COL15A1: variants seen among roughly 807,000 people sequenced by gnomAD.
COL15A1 encodes collagen type XV alpha 1 chain.
COL15A1 carries 111 observed loss-of-function variants against 165.9 expected under a neutral mutation model. The ratio of observed to expected loss-of-function variants is 0.67; its 90% confidence interval spans 0.57 to 0.78. The LOEUF is 0.78. COL15A1 is among the 30% of genes least tolerant of loss of function. The pLI is 0.00. For missense variants in COL15A1, 1,745 were observed against 1,789.7 expected (o/e 0.98, Z 0.45); for synonymous variants, 659 against 674.8 (o/e 0.98, Z 0.36).
chr9:98,948,317 G>A (rs573194255), intron 2 of COL15A1, among the ~76,000 whole-genome samples: 13 of 152,192 alleles, frequency 8.5e-5, no homozygotes, highest in African/African-American at 2.6e-4. Flanking sequence ...CACACTTGTC[G>A]GCCGGGCGCG....
chr9:99,056,176 T>C lies in COL15A1; in HGVS notation c.3193-84T>C, dbSNP rs1051557877. ...AATAGCTGGTGTTTATTGATTTCTT[T>C]TAAATATTCTCATAAAAGGACTAGA... is the stretch of plus-strand genomic sequence containing the variant. On this transcript the variant is annotated intron_variant, in intron 34 of 41. Coordinates refer to ENST00000375001, the MANE Select transcript of COL15A1 (RefSeq NM_001855.5). 15 of 1,368,322 alleles carry C rather than the reference T, an allele frequency of 1.1e-5. No individual in the cohort carries two copies. In the Admixed American group the frequency reaches 2.5e-4, roughly 23 times the overall value. The allele number at this position is 1,368,322 out of a possible 1,614,324, so 84.8% of individuals were successfully genotyped here.
chr9:99,058,425 GGTGCCGAGT>G (rs1418609911), intron 35 of COL15A1, among the ~76,000 whole-genome samples: 1 of 152,146 alleles, frequency 6.6e-6, no homozygotes, highest in Non-Finnish European at 1.5e-5. Flanking sequence ...AAAGGAAGAA[GGTGCCGAGT>G]GTATGGAACC....
chr9:99,055,390 C>A lies in COL15A1; in HGVS notation c.3192+18C>A. On this transcript the variant is annotated intron_variant, in intron 34 of 41. Coordinates refer to ENST00000375001, the MANE Select transcript of COL15A1 (RefSeq NM_001855.5). ...GCCCGGCTGTGAGTAGAGACCCCTC[C>A]AAGTCATCTACCCCAAAGACTTACA... 6.2e-6 allele frequency: 9 copies of A among 1,459,182 alleles called. No homozygotes were observed. Among genetic ancestry groups the A allele is most frequent in the Non-Finnish European group, 8.7e-6 (9 of 1,038,968 alleles). 90.4% of individuals were successfully genotyped at this position (1,459,182 alleles called of 1,614,324 possible). A position where few individuals can be genotyped will look rare whatever the true frequency, so the allele number is the denominator to read the frequency against.
chr9:99,038,871 T>C, intron 22 of COL15A1, 138 bp downstream of exon 22: 1 of 596,384 alleles, frequency 1.7e-6, no homozygotes, highest in Non-Finnish European at 3.0e-6. Flanking sequence ...AAGAAAGCTT[T>C]GCATTTTTTG....
intron 11 of COL15A1, 68 bp from the exon 12 acceptor site, chr9:99,020,321 T>A: frequency 8.7e-7 from 1 of 1,146,492 alleles, no homozygotes; most frequent in Non-Finnish European, 1.3e-6. Flanking sequence ...GGGAATGTCA[T>A]CGGAACTCAG....
At chr9:98,995,207 C>G (rs895088734) in intron 5 of COL15A1, among the ~76,000 whole-genome samples, 9 of 152,128 alleles carry the variant, frequency 5.9e-5, no homozygotes, top group Non-Finnish European at 1.2e-4. Context: ...TTTATCTTCC[C>G]TGCTAGATGA....
At chr9:99,058,904 T>A (rs1039485490) in intron 35 of COL15A1, among the ~76,000 whole-genome samples, 1 of 152,212 alleles carries the variant, frequency 6.6e-6, no homozygotes, top group Non-Finnish European at 1.5e-5. Context: ...AAGGACTGTA[T>A]AATTTTACTG....
chr9:98,985,551 C>G lies in COL15A1; in HGVS notation c.101-14C>G. On this transcript the variant is annotated splice_polypyrimidine_tract_variant and intron_variant, in intron 2 of 41. Coordinates refer to ENST00000375001, the MANE Select transcript of COL15A1 (RefSeq NM_001855.5). ...TATACCTGTAAAGCGTGGCCTCTCT[C>G]TCCCTCCCTGCAGAGACTGCTTCCC... 1 of 1,603,116 alleles carries G rather than the reference C, an allele frequency of 6.2e-7. No homozygotes were observed. The highest frequency in any genetic ancestry group is 8.5e-7 in the Non-Finnish European group (1 of 1,172,150).
chr9:99,042,692 G>A (rs1839429082), intron 24 of COL15A1, among the ~76,000 whole-genome samples: 1 of 152,190 alleles, frequency 6.6e-6, no homozygotes, highest in South Asian at 2.1e-4. Context: ...TATAAATTGA[G>A]CATTCTGCAG....
chr9:99,010,091 C>T (rs141457232), intron 9 of COL15A1, among the ~76,000 whole-genome samples: 185 of 152,278 alleles, frequency 1.2e-3, no homozygotes, highest in African/African-American at 4.1e-3. Flanking sequence ...TAATTTTTGG[C>T]GCTATGTCTC....
At chr9:98,960,421 A>T (rs1445819570) in intron 2 of COL15A1, among the ~76,000 whole-genome samples, 1 of 152,252 alleles carries the variant, frequency 6.6e-6, no homozygotes, top group East Asian at 1.9e-4. Context: ...AAAAAGAAAA[A>T]AAAGAAAAGA....
chr9:99,054,728 G>A, intron 32 of COL15A1, 72 bp downstream of exon 32: 3 of 1,499,862 alleles, frequency 2.0e-6, no homozygotes, highest in Non-Finnish European at 2.7e-6. Flanking sequence ...TGAGAAATGT[G>A]ACCTAGCCAG....
intron 2 of COL15A1, among the ~76,000 whole-genome samples, chr9:98,974,053 G>A (rs1207488556): frequency 6.6e-6 from 1 of 152,234 alleles, no homozygotes; most frequent in Non-Finnish European, 1.5e-5. Context: ...ACATCTGAGA[G>A]GTCAGGATGT....
At chr9:99,038,523 G>A in intron 21 of COL15A1, 145 bp from the exon 22 acceptor site, 1 of 572,804 alleles carries the variant, frequency 1.7e-6, no homozygotes, top group Non-Finnish European at 3.2e-6. Context: ...GGGAGGGAGA[G>A]CTGTGTTTGG....
chr9:99,042,998 G>A (rs150946733), intron 24 of COL15A1, among the ~76,000 whole-genome samples: 206 of 152,296 alleles, frequency 1.4e-3, no homozygotes, highest in African/African-American at 4.7e-3. Context: ...ATGAGGAAGA[G>A]ATATGCAAAG....
intron 5 of COL15A1, among the ~76,000 whole-genome samples, chr9:98,990,855 C>T (rs902228248): frequency 1.3e-4 from 20 of 152,290 alleles, no homozygotes; most frequent in Admixed American, 2.6e-4. Flanking sequence ...AGAATGAAAC[C>T]ACGGACCCTC....
In COL15A1 at chr9:98,975,504, G is replaced by A. The variant is rs115436387; in HGVS notation, c.101-10061G>A. Among the ~76,000 whole-genome samples, 240 of 152,346 alleles carry A rather than the reference G, an allele frequency of 1.6e-3. 1 individual carries two copies. The highest frequency in any genetic ancestry group is 4.9e-3 in the African/African-American group (205 of 41,574). On this transcript the variant is annotated intron_variant, in intron 2 of 41. Coordinates refer to ENST00000375001, the MANE Select transcript of COL15A1 (RefSeq NM_001855.5). ...GTTCTTCATCTCTGGCCAAATCGCTGTCATCTGTGTGGAAGGAAAACCTGA... is the reference window on the plus strand; with the variant it reads ...GTTCTTCATCTCTGGCCAAATCGCTATCATCTGTGTGGAAGGAAAACCTGA...
chr9:99,044,847 G>C, intron 26 of COL15A1, 77 bp downstream of exon 26: 1 of 1,342,678 alleles, frequency 7.4e-7, no homozygotes, highest in Non-Finnish European at 1.1e-6. Context: ...GTTAGATTTA[G>C]TTGTCCCGGT....
rs545956952 is a variant in COL15A1, at chr9:99,013,038, G to A, written c.1354-2379G>A. Among the ~76,000 whole-genome samples, 18 of 152,090 alleles carry A rather than the reference G, an allele frequency of 1.2e-4. No homozygotes were observed. The South Asian group carries it at 3.8e-3, about 32-fold the overall frequency. On this transcript the variant is annotated intron_variant, in intron 9 of 41. Coordinates refer to ENST00000375001, the MANE Select transcript of COL15A1 (RefSeq NM_001855.5). ...TATTTTTTATTTTAAGGGACGAACTGAGCTGTGGCCTAGCATTTTAGTGGA... is the reference window on the plus strand; with the variant it reads ...TATTTTTTATTTTAAGGGACGAACTAAGCTGTGGCCTAGCATTTTAGTGGA...
Sources: gnomAD v4.1 joint callset for allele counts (sites outside exome capture counted in the v4.1 genomes callset) on GRCh38, gnomAD v4.1.1 for gene constraint, MANE v1.5 for transcripts, NCBI Gene and HGNC (gene_info 2026-07-23, HGNC 2026-07-21) for gene names.